The following SLC7A1 variants were observed in gnomAD, a reference collection of about 807,000 sequenced individuals.
SLC7A1 encodes the protein high affinity cationic amino acid transporter 1.
Under a neutral mutation model 53.9 loss-of-function variants are expected in SLC7A1, and 10 were observed. The ratio of observed to expected loss-of-function variants is 0.19; its 90% CI spans 0.11 to 0.31. The LOEUF (loss-of-function observed/expected upper bound fraction) is 0.31, where lower values mean the gene tolerates loss of function less well. SLC7A1 is among the 10% of genes least tolerant of loss of function. The probability of loss-of-function intolerance (pLI) is 1.00; values close to 1 mark genes in which losing one functional copy is unlikely to be tolerated. For synonymous variants in SLC7A1, 342 were observed against 338.7 expected, an observed-to-expected ratio of 1.01 and a Z score of -0.11; for missense variants, 525 against 827.2, an observed-to-expected ratio of 0.63 and a Z score of 4.48.
chr13:29,527,501 TTAAC>T (rs1291899062), intron 5 of SLC7A1, among the ~76,000 whole-genome samples: 1 of 152,190 alleles, frequency 6.6e-6, no homozygotes, highest in South Asian at 2.1e-4. Flanking sequence ...TAATCAATAA[TTAAC>T]CTTTTACATG....
rs1283995583 is a variant in SLC7A1, at chr13:29,595,584, C to A, written c.-283G>T. ...TGCGGTTAGCGGGAGCCCGCGGCCG[C>A]GTGCGCGCCTGCCAGGTAGTTGACC... On this transcript the variant is annotated 5_prime_UTR_variant, in exon 1 of 13. Transcript: ENST00000380752. 1.3e-5 allele frequency: 2 copies of A among 150,938 alleles called. No individual in the cohort carries two copies. Among genetic ancestry groups the A allele is most frequent in the Non-Finnish European group, 3.0e-5 (2 of 67,754 alleles). The allele number at this position is 150,938 out of a possible 1,614,324, so 9.3% of individuals were successfully genotyped here. A position where few individuals can be genotyped will look rare whatever the true frequency, so the allele number is the denominator to read the frequency against.
At chr13:29,560,659 C>T (rs1242642008) in intron 1 of SLC7A1, among the ~76,000 whole-genome samples, 1 of 152,114 alleles carries the variant, frequency 6.6e-6, no homozygotes, top group African/African-American at 2.4e-5. Context: ...CCACCAAAAA[C>T]ACATGAGTAA....
chr13:29,554,737 G>A (rs189733166), intron 1 of SLC7A1, among the ~76,000 whole-genome samples: 2 of 152,180 alleles, frequency 1.3e-5, no homozygotes, highest in East Asian at 1.9e-4. Flanking sequence ...CTAATCAACA[G>A]CTACAGTTTT....
intron 1 of SLC7A1, among the ~76,000 whole-genome samples, chr13:29,570,716 A>G (rs1275359): frequency 0.97 from 148,326 of 152,238 alleles, 72,373 homozygotes; most frequent in East Asian, 1. Context: ...AATTAGCGAG[A>G]GATGGTGGCT....
chr13:29,553,175 A>T (rs571103141), intron 2 of SLC7A1, among the ~76,000 whole-genome samples: 1 of 152,354 alleles, frequency 6.6e-6, no homozygotes, highest in South Asian at 2.1e-4. Flanking sequence ...GGAGAGAAAG[A>T]GGAGTAAGGA....
At chr13:29,546,153 C>T (rs887827068) in intron 2 of SLC7A1, among the ~76,000 whole-genome samples, 1 of 152,202 alleles carries the variant, frequency 6.6e-6, no homozygotes, top group South Asian at 2.1e-4. Context: ...GGGAGACTCT[C>T]CACTGCCTCG....
intron 1 of SLC7A1, among the ~76,000 whole-genome samples, chr13:29,577,617 G>A (rs74042343): frequency 0.023 from 3,445 of 152,326 alleles, 111 homozygotes; most frequent in African/African-American, 0.078. Context: ...TTGCAATGAC[G>A]TGCAGAATGC....
In SLC7A1 at chr13:29,595,595, G is replaced by C. The variant is rs1566282013; in HGVS notation, c.-294C>G. ...GGAGCCCGCGGCCGCGTGCGCGCCT[G>C]CCAGGTAGTTGACCCGCTGCTCACA... is the stretch of plus-strand genomic sequence containing the variant. On this transcript the variant is annotated 5_prime_UTR_variant, in exon 1 of 13. Transcript: ENST00000380752. 1 of 151,452 alleles carries C rather than the reference G, an allele frequency of 6.6e-6. No individual in the cohort carries two copies. Among genetic ancestry groups the C allele is most frequent in the Non-Finnish European group, 1.5e-5 (1 of 67,888 alleles). 9.4% of individuals were successfully genotyped at this position (151,452 alleles called of 1,614,324 possible). A position where few individuals can be genotyped will look rare whatever the true frequency, so the allele number is the denominator to read the frequency against.
At position 29,562,896 on chromosome 13, in the gene SLC7A1, T is replaced by G. The variant is rs948303763; in HGVS notation, c.-114-9036A>C. ...CCAGCCCTTCAATAATTAAAATTAC[T>G]CCAGCTCATTTTGCACCCAGGAAAA... On this transcript the variant is annotated intron_variant, in intron 1 of 12. Coordinates refer to ENST00000380752, the MANE Select transcript of SLC7A1 (RefSeq NM_003045.5). Among the ~76,000 whole-genome samples, 6 of 152,228 alleles carry G rather than the reference T, an allele frequency of 3.9e-5. No individual in the cohort carries two copies. In the South Asian group the frequency reaches 8.3e-4, roughly 21 times the overall value.
chr13:29,523,305 T>C lies in SLC7A1; in HGVS notation c.1010A>G (p.Tyr337Cys). 6.2e-7 allele frequency: 1 copy of C among 1,613,636 alleles called. No homozygotes were observed. The highest frequency in any genetic ancestry group is 8.5e-7 in the Non-Finnish European group (1 of 1,179,976). The change falls in exon 7 of 13, where the codon TAC becomes TGC. Residue 337 changes from tyrosine to cysteine, a missense_variant. Around this residue, in one of 4 missense-constraint regions of SLC7A1, gnomAD observed 354 missense variants for 587.5 expected, o/e 0.60. Coordinates refer to ENST00000380752, the MANE Select transcript of SLC7A1 (RefSeq NM_003045.5). ...FKHVGWEGAK[Y>C]AVAVGSLCAL... is the part of the protein sequence containing the mutation. The stretch of plus-strand genomic sequence containing the variant: ...GCAGAGGGAGCCCACGGCCACTGCG[T>C]ACTTGGCACCTTCCCAGCCCACGTG...
chr13:29,554,646 A>C (rs185257388), intron 1 of SLC7A1, among the ~76,000 whole-genome samples: 3 of 152,242 alleles, frequency 2.0e-5, no homozygotes, highest in Admixed American at 2.0e-4. Context: ...AAGAGGTTTA[A>C]TTAAGCTGTC....
chr13:29,520,764 A>G (rs1221694326), intron 8 of SLC7A1, among the ~76,000 whole-genome samples: 2 of 152,244 alleles, frequency 1.3e-5, no homozygotes, highest in Non-Finnish European at 2.9e-5. Context: ...GGAGAATAAA[A>G]CACAAAATTA....
At chr13:29,553,241 G>T (rs1870282839) in intron 2 of SLC7A1, among the ~76,000 whole-genome samples, 1 of 152,238 alleles carries the variant, frequency 6.6e-6, no homozygotes, top group African/African-American at 2.4e-5. Context: ...AAGAAAACTG[G>T]AAGCAGCCCT....
At chr13:29,532,750 G>A in intron 4 of SLC7A1, 74 bp downstream of exon 4, 1 of 1,332,420 alleles carries the variant, frequency 7.5e-7, no homozygotes, top group Non-Finnish European at 1.0e-6. Flanking sequence ...GTAAAGAAAG[G>A]AACTTAACAG....
chr13:29,539,527 T>C (rs1869573044), intron 2 of SLC7A1, among the ~76,000 whole-genome samples: 1 of 152,200 alleles, frequency 6.6e-6, no homozygotes, highest in Non-Finnish European at 1.5e-5. Context: ...TAAGCTTAGA[T>C]ACAGATAACG....
intron 8 of SLC7A1, 67 bp downstream of exon 8, chr13:29,522,250 C>T (rs948208375): frequency 2.6e-5 from 40 of 1,520,596 alleles, no homozygotes; most frequent in Admixed American, 3.4e-5. Flanking sequence ...CTGCGCAAGA[C>T]GTCTCCCTAG....
intron 1 of SLC7A1, among the ~76,000 whole-genome samples, chr13:29,575,892 A>G (rs61947170): frequency 0.025 from 3,826 of 152,324 alleles, 86 homozygotes; most frequent in Middle Eastern, 0.075. Context: ...AGCTGAAAGT[A>G]CATCTTTTAT....
chr13:29,565,956 G>A lies in SLC7A1; in HGVS notation c.-114-12096C>T, dbSNP rs191612195. On this transcript the variant is annotated intron_variant, in intron 1 of 12. Coordinates refer to ENST00000380752, the MANE Select transcript of SLC7A1 (RefSeq NM_003045.5). ...GTCTAGACTCTCACACCTCTCAAAA[G>A]GCAGTGAGTTAGATCATTACTAACC... Among the ~76,000 whole-genome samples the A allele has an allele frequency of 2.0e-3, 307 of 152,234 alleles. 1 individual carries two copies. Among genetic ancestry groups the A allele is most frequent in the Admixed American group, 7.7e-3 (117 of 15,282 alleles).
chr13:29,590,357 C>T (rs1872057600), intron 1 of SLC7A1, among the ~76,000 whole-genome samples: 1 of 152,050 alleles, frequency 6.6e-6, no homozygotes. Context: ...TCCCGTCCTG[C>T]CCCCCACCAA....
Sources: allele counts gnomAD v4.1 joint callset (sites outside exome capture counted in the v4.1 genomes callset), GRCh38; gene constraint gnomAD v4.1.1; regional missense constraint gnomAD v4.1.1; transcripts MANE v1.5; gene names NCBI Gene and HGNC (gene_info 2026-07-23, HGNC 2026-07-21).